TRPC1: variants seen among roughly 807,000 people sequenced by gnomAD.
TRPC1 encodes the protein transient receptor potential cation channel subfamily C member 1.
In TRPC1, 42 loss-of-function variants were observed where a neutral mutation model predicts 88.2. The observed-to-expected ratio is 0.48, with a 90% confidence interval of 0.37 to 0.62. TRPC1 has a LOEUF of 0.62. Among genes scored for constraint, TRPC1 ranks in the 20% least tolerant of loss-of-function variants. TRPC1 has a pLI of 0.00. For missense variants in TRPC1, 699 were observed against 957.3 expected, an observed-to-expected ratio of 0.73 and a Z score of 3.56; for synonymous variants, 288 against 331.8, an observed-to-expected ratio of 0.87 and a Z score of 1.43.
At chr3:142,752,105 G>A (rs74487298) in intron 4 of TRPC1, among the ~76,000 whole-genome samples, 54 of 148,340 alleles carry the variant, frequency 3.6e-4, no homozygotes, top group Non-Finnish European at 7.4e-4. Context: ...GATGAGAGAC[G>A]GAGAAAAGAA....
At chr3:142,805,123 T>A (rs536506141) in intron 12 of TRPC1, among the ~76,000 whole-genome samples, 2 of 96,698 alleles carry the variant, frequency 2.1e-5, no homozygotes, top group Non-Finnish European at 3.7e-5. Context: ...CAAACAAATA[T>A]ATATATACAC....
intron 4 of TRPC1, among the ~76,000 whole-genome samples, chr3:142,755,312 CT>C (rs1396633621): frequency 3.3e-5 from 5 of 151,982 alleles, no homozygotes; most frequent in African/African-American, 1.2e-4. Context: ...GTAATCCCAG[CT>C]ACTTGGGAGG....
intron 1 of TRPC1, among the ~76,000 whole-genome samples, chr3:142,731,864 TAACACATGAA>T (rs1351300711): frequency 1.3e-5 from 2 of 152,296 alleles, no homozygotes; most frequent in African/African-American, 2.4e-5. Flanking sequence ...AAAAATTTCG[TAACACATGAA>T]AAGTCTATAA....
chr3:142,802,265 G>A lies in TRPC1; in HGVS notation c.1678G>A (p.Asp560Asn), dbSNP rs1226825161. ...SFTIGLTQLY[D>N]KGYTSKEQKD... The stretch of plus-strand genomic sequence containing the variant: ...CACAATTGGACTGACACAACTGTAT[G>A]ATAAAGGATATACTTCAAAGGAGCA... The change falls in exon 10 of 13, where the codon GAT becomes AAT. Residue 560 changes from aspartate (D) to asparagine (N), a missense_variant. By Grantham distance (23) the Asp-to-Asn change is conservative. Transcript: ENST00000476941. The A allele has an allele frequency of 5.0e-6, 8 of 1,600,152 alleles. No individual in the cohort carries two copies. Among genetic ancestry groups the A allele is most frequent in the Non-Finnish European group, 6.8e-6 (8 of 1,174,340 alleles).
chr3:142,746,136 A>G (rs2108041310), intron 3 of TRPC1, among the ~76,000 whole-genome samples: 1 of 152,330 alleles, frequency 6.6e-6, no homozygotes, highest in East Asian at 1.9e-4. Flanking sequence ...AACTGGCTAT[A>G]AGCAGAAGAA....
intron 7 of TRPC1, among the ~76,000 whole-genome samples, chr3:142,787,703 AACTTG>A (rs938231648): frequency 2.6e-5 from 4 of 152,200 alleles, no homozygotes; most frequent in Non-Finnish European, 4.4e-5. Flanking sequence ...AACCATCAAA[AACTTG>A]ACTTGAGAAT....
chr3:142,735,896 C>G, intron 1 of TRPC1, among the ~76,000 whole-genome samples: 1 of 152,040 alleles, frequency 6.6e-6, no homozygotes, highest in South Asian at 2.1e-4. Context: ...AAAGTGTTTT[C>G]TCCTGTAAAA....
chr3:142,798,425 TAACA>T (rs1578010283), intron 9 of TRPC1, among the ~76,000 whole-genome samples: 1 of 152,090 alleles, frequency 6.6e-6, no homozygotes, highest in African/African-American at 2.4e-5. Context: ...GTTTTAGCAA[TAACA>T]AACAAAGTTA....
rs114172295 is a variant in TRPC1 at position 142,791,123 on chromosome 3, G to T, written c.1402G>T (p.Ala468Ser). 47 of 1,608,170 alleles carry T rather than the reference G, an allele frequency of 2.9e-5. 1 individual carries two copies. The East Asian group carries it at 9.2e-4, about 32-fold the overall frequency. The change falls in exon 8 of 13, where the codon GCA becomes TCA. Residue 468 changes from alanine to serine, a missense_variant. Physicochemically the swap from Ala to Ser is moderately conservative, Grantham distance 99 (BLOSUM62 1). Coordinates refer to ENST00000476941, the MANE Select transcript of TRPC1 (RefSeq NM_001251845.2). The part of the protein sequence containing the change: ...LSFVMNSLYL[A>S]TFALKVVAHN... ...TTTTGTCATGAATTCTCTTTATTTG[G>T]CAACCTTTGCCCTCAAAGTGGTTGC... is the stretch of plus-strand genomic sequence containing the variant.
intron 12 of TRPC1, among the ~76,000 whole-genome samples, chr3:142,805,153 C>A (rs950064758): frequency 7.9e-5 from 12 of 151,452 alleles, no homozygotes; most frequent in Non-Finnish European, 1.8e-4. Flanking sequence ...CACACACACA[C>A]ACACACACAC....
At position 142,724,585 on chromosome 3, in the gene TRPC1, C is replaced by G. The variant is rs370471720; in HGVS notation, c.26C>G (p.Thr9Arg). MMAALYPS[T>R]DLSGASSSSL... ...ATGATGGCGGCCCTGTACCCGAGCA[C>G]GGACCTCTCGGGCGCCTCCTCCTCC... Residue 9 changes from threonine to arginine, a missense_variant, in exon 1 of 13, where the codon ACG becomes AGG. By Grantham distance (71) the Thr-to-Arg change is moderately conservative. This residue lies in a region of TRPC1 where 157 missense variants were observed against 127.0 expected (regional missense o/e 1.24). Transcript: ENST00000476941. This position sits in a 1 kb window ranked among gnomAD's most constrained non-coding sequence, Gnocchi z 5.6. 1.6e-5 allele frequency: 25 copies of G among 1,594,434 alleles called. No individual in the cohort carries two copies. Among genetic ancestry groups the G allele is most frequent in the Non-Finnish European group, 8.5e-7 (1 of 1,171,906 alleles).
chr3:142,758,732 G>T (rs1340437726), intron 4 of TRPC1, among the ~76,000 whole-genome samples: 1 of 151,694 alleles, frequency 6.6e-6, no homozygotes, highest in Non-Finnish European at 1.5e-5. Context: ...TGTCGTGCAG[G>T]TTTGTTACAT....
At chr3:142,804,861 C>T (rs1264364225) in intron 12 of TRPC1, among the ~76,000 whole-genome samples, 1 of 152,040 alleles carries the variant, frequency 6.6e-6, no homozygotes, top group Non-Finnish European at 1.5e-5. Flanking sequence ...AATCCCAGCA[C>T]TTTGGGAGGC....
At chr3:142,769,003 G>A (rs1469873349) in intron 4 of TRPC1, among the ~76,000 whole-genome samples, 2 of 151,836 alleles carry the variant, frequency 1.3e-5, no homozygotes, top group Non-Finnish European at 2.9e-5. Flanking sequence ...CTATTTCTGT[G>A]CCTCTTCATT....
At chr3:142,763,284 T>C (rs1935249769) in intron 4 of TRPC1, among the ~76,000 whole-genome samples, 1 of 152,094 alleles carries the variant, frequency 6.6e-6, no homozygotes, top group African/African-American at 2.4e-5. Context: ...CCTACTATTA[T>C]TGTATTGTAG....
At chr3:142,788,731 A>ATGT (rs1936207805) in intron 7 of TRPC1, among the ~76,000 whole-genome samples, 1 of 152,280 alleles carries the variant, frequency 6.6e-6, no homozygotes, top group Admixed American at 6.5e-5. Flanking sequence ...CTGCCTTCTA[A>ATGT]TGTTATTATT....
chr3:142,758,584 CTA>C (rs1452980358), intron 4 of TRPC1, among the ~76,000 whole-genome samples: 1 of 152,014 alleles, frequency 6.6e-6, no homozygotes, highest in African/African-American at 2.4e-5. Flanking sequence ...GTCTCCCATT[CTA>C]TGAGTTGGCT....
intron 4 of TRPC1, among the ~76,000 whole-genome samples, chr3:142,748,976 C>T (rs1170732456): frequency 2.0e-5 from 3 of 152,148 alleles, no homozygotes; most frequent in African/African-American, 7.2e-5. Flanking sequence ...AATACCCTGT[C>T]ACAGGTTGAG....
intron 7 of TRPC1, among the ~76,000 whole-genome samples, chr3:142,789,191 T>G (rs1936220538): frequency 6.6e-6 from 1 of 152,144 alleles, no homozygotes; most frequent in African/African-American, 2.4e-5. Context: ...TAATTTTGAG[T>G]CTTCAAGAAA....
Sources: gnomAD v4.1 joint callset for allele counts (sites outside exome capture counted in the v4.1 genomes callset) on GRCh38, gnomAD v4.1.1 for gene constraint, gnomAD v4.1.1 regional missense constraint, Gnocchi (gnomAD v3.1) non-coding constraint, MANE v1.5 for transcripts, NCBI Gene and HGNC (gene_info 2026-07-23, HGNC 2026-07-21) for gene names.